FHIT: variants seen among roughly 807,000 people sequenced by gnomAD.
FHIT encodes fragile histidine triad diadenosine triphosphatase.
A neutral mutation model predicts 17.9 loss-of-function variants in FHIT; 19 were observed. The ratio of observed to expected loss-of-function variants is 1.06; its 90% CI spans 0.74 to 1.56. The LOEUF (loss-of-function observed/expected upper bound fraction) is 1.56. Ranked by LOEUF, FHIT falls within the 40% of genes most tolerant of loss-of-function variation. The pLI, the probability that FHIT is intolerant of heterozygous loss-of-function variation, is 0.00. For missense variants in FHIT, 248 were observed against 189.2 expected (o/e 1.31, Z -1.82); for synonymous variants, 81 against 69.7 (o/e 1.16, Z -0.81).
chr3:60,618,813 G>A (rs1339636663), intron 4 of FHIT, among the ~76,000 whole-genome samples: 1 of 152,180 alleles, frequency 6.6e-6, no homozygotes, highest in Non-Finnish European at 1.5e-5. Context: ...AGGTCAGAAT[G>A]ATGCTGTATA....
chr3:60,290,900 C>A (rs1429556970), intron 5 of FHIT, among the ~76,000 whole-genome samples: 8 of 152,142 alleles, frequency 5.3e-5, no homozygotes, highest in Non-Finnish European at 8.8e-5. Context: ...TCTTAGCAGT[C>A]TGATCCAGGC....
chr3:60,944,056 T>A (rs1244769959), intron 3 of FHIT, among the ~76,000 whole-genome samples: 1 of 152,128 alleles, frequency 6.6e-6, no homozygotes, highest in Non-Finnish European at 1.5e-5. Flanking sequence ...GACAATTGAA[T>A]TAGTATCTTT....
intron 5 of FHIT, among the ~76,000 whole-genome samples, chr3:60,466,886 C>T (rs1428660132): frequency 2.7e-5 from 4 of 149,894 alleles, no homozygotes; most frequent in African/African-American, 9.8e-5. Flanking sequence ...TACTAGCCTC[C>T]TAGAATGAAT....
chr3:60,065,127 C>G (rs1702447302), intron 5 of FHIT, among the ~76,000 whole-genome samples: 1 of 152,110 alleles, frequency 6.6e-6, no homozygotes, highest in Non-Finnish European at 1.5e-5. Flanking sequence ...AAAGAGAAGA[C>G]CTTCCAGACC....
chr3:60,230,701 GTAT>G (rs1234037384), intron 5 of FHIT, among the ~76,000 whole-genome samples: 1 of 152,106 alleles, frequency 6.6e-6, no homozygotes, highest in East Asian at 1.9e-4. Context: ...TCTCAAAATA[GTAT>G]TATTTTTGTT....
chr3:60,027,665 G>A (rs1382693364), intron 5 of FHIT, among the ~76,000 whole-genome samples: 3 of 149,856 alleles, frequency 2.0e-5, no homozygotes, highest in South Asian at 2.1e-4. Flanking sequence ...AACCACAAGC[G>A]TTCTCCCTGA....
At chr3:60,361,335 G>C (rs772676019) in intron 5 of FHIT, among the ~76,000 whole-genome samples, 1 of 152,318 alleles carries the variant, frequency 6.6e-6, no homozygotes, top group African/African-American at 2.4e-5. Flanking sequence ...CAAGAGAGGA[G>C]AGGTGTTTGT....
chr3:61,204,844 T>A (rs967562690), intron 1 of FHIT, among the ~76,000 whole-genome samples: 3 of 152,162 alleles, frequency 2.0e-5, no homozygotes, highest in African/African-American at 7.2e-5. Flanking sequence ...ATTATTATAC[T>A]TTAAGTTTTA....
At chr3:60,298,182 T>A (rs1708296273) in intron 5 of FHIT, among the ~76,000 whole-genome samples, 1 of 152,048 alleles carries the variant, frequency 6.6e-6, no homozygotes, top group Non-Finnish European at 1.5e-5. Context: ...TTTCAGGTGT[T>A]TATGAAGCTT....
rs547817818 is a variant in FHIT at position 60,473,733 on chromosome 3, A to T, written c.103+63127T>A. On this transcript the variant is annotated intron_variant, in intron 5 of 9. Coordinates refer to ENST00000492590, the MANE Select transcript of FHIT (RefSeq NM_002012.4). Reference sequence around the variant, plus strand: ...CAGGAGTTCGAGACCAGCCTGGGCAACACAGTGAAACCCCGTCTCTACTAA... The same window carrying T: ...CAGGAGTTCGAGACCAGCCTGGGCATCACAGTGAAACCCCGTCTCTACTAA... Among the ~76,000 whole-genome samples, 3 of 152,256 alleles carry T rather than the reference A, an allele frequency of 2.0e-5. No individual in the cohort carries two copies. The South Asian group carries it at 6.2e-4, about 32-fold the overall frequency.
intron 2 of FHIT, among the ~76,000 whole-genome samples, chr3:61,174,984 A>G (rs553166609): frequency 4.0e-5 from 6 of 151,016 alleles, no homozygotes; most frequent in Admixed American, 2.7e-4. Context: ...ACATCTTCCT[A>G]TGTTTGCATT....
At position 60,695,314 on chromosome 3, in the gene FHIT, T is replaced by C. The variant is rs143829172; in HGVS notation, c.-18+126605A>G. ...GGGAGGCTGAAGCAGGAGAATCACT[T>C]AAACCCAGGAGGCAAAGGTTGCAGT... On this transcript the variant is annotated intron_variant, in intron 4 of 9. Transcript: ENST00000492590. 6.1e-3 allele frequency among the ~76,000 whole-genome samples: 924 copies of C among 152,150 alleles called. 3 individuals are homozygous for C. The highest frequency in any genetic ancestry group is 9.4e-3 in the Non-Finnish European group (642 of 67,998).
At chr3:60,026,960 A>G (rs1219184995) in intron 5 of FHIT, among the ~76,000 whole-genome samples, 1 of 152,008 alleles carries the variant, frequency 6.6e-6, no homozygotes, top group Non-Finnish European at 1.5e-5. Flanking sequence ...TCAGCTAGGC[A>G]TGGTGGCACA....
At chr3:59,905,090 G>A (rs1704524258) in intron 8 of FHIT, among the ~76,000 whole-genome samples, 1 of 152,210 alleles carries the variant, frequency 6.6e-6, no homozygotes, top group Non-Finnish European at 1.5e-5. Context: ...TCCACTTGAG[G>A]TGGGGTTTCA....
chr3:60,658,184 C>A (rs959501847), intron 4 of FHIT, among the ~76,000 whole-genome samples: 4 of 152,088 alleles, frequency 2.6e-5, no homozygotes, highest in African/African-American at 9.7e-5. Flanking sequence ...TGAAATCATA[C>A]AGTATTTGTC....
chr3:60,425,396 C>A (rs1702624752), intron 5 of FHIT, among the ~76,000 whole-genome samples: 1 of 152,166 alleles, frequency 6.6e-6, no homozygotes, highest in Non-Finnish European at 1.5e-5. Context: ...TACTCAACTC[C>A]ATGATTCTCT....
At chr3:60,269,184 A>G (rs1295961443) in intron 5 of FHIT, among the ~76,000 whole-genome samples, 1 of 152,194 alleles carries the variant, frequency 6.6e-6, no homozygotes, top group Non-Finnish European at 1.5e-5. Flanking sequence ...GTAAATGATT[A>G]ATTTAAAACT....
rs890425696 is a variant in FHIT, at chr3:59,938,812, C to T, written c.280-16398G>A. Among the ~76,000 whole-genome samples, 9 of 152,052 alleles carry T rather than the reference C, an allele frequency of 5.9e-5. No homozygotes were observed. In the South Asian group the frequency reaches 6.2e-4, roughly 11 times the overall value. On this transcript the variant is annotated intron_variant, in intron 7 of 9. Transcript: ENST00000492590. ...AGAAAAACCACCCCCTAACTAACTC[C>T]CCACAACCCAGGAGCTCTGATTTGA...
intron 5 of FHIT, among the ~76,000 whole-genome samples, chr3:60,074,138 C>A (rs77824914): frequency 0.018 from 2,729 of 152,008 alleles, 30 homozygotes; most frequent in Non-Finnish European, 0.029. Context: ...TAACTCACAC[C>A]CTATAGTCAA....
Sources: allele counts gnomAD v4.1 joint callset (sites outside exome capture counted in the v4.1 genomes callset), GRCh38; gene constraint gnomAD v4.1.1; transcripts MANE v1.5; gene names NCBI Gene and HGNC (gene_info 2026-07-23, HGNC 2026-07-21).